Variants in TNIK observed in about 807,000 individuals in gnomAD.
The protein encoded by TNIK is TRAF2 and NCK-interacting protein kinase.
A neutral mutation model predicts 191.3 loss-of-function variants in TNIK; 49 were observed. That is an observed-to-expected ratio of 0.26 (90% CI 0.20 to 0.32). The LOEUF (loss-of-function observed/expected upper bound fraction) is 0.32. TNIK is among the 10% of genes least tolerant of loss of function. TNIK has a pLI of 1.00. For missense variants in TNIK, 1,155 were observed against 1,702.3 expected, an observed-to-expected ratio of 0.68 and a Z score of 5.66; for synonymous variants, 594 against 600.9, an observed-to-expected ratio of 0.99 and a Z score of 0.17.
At chr3:171,257,225 T>C (rs1028039549) in intron 2 of TNIK, among the ~76,000 whole-genome samples, 16 of 152,210 alleles carry the variant, frequency 1.1e-4, no homozygotes, top group East Asian at 1.9e-4. Context: ...GGGCAGGCGG[T>C]ACTCTAGAAC....
intron 21 of TNIK, among the ~76,000 whole-genome samples, chr3:171,102,744 T>C (rs996071761): frequency 1.3e-5 from 2 of 152,144 alleles, no homozygotes; most frequent in Admixed American, 6.5e-5. Flanking sequence ...TATGGCCATA[T>C]TCTCTCTTTA....
chr3:171,087,335 C>A lies in TNIK; in HGVS notation c.2886+7G>T, dbSNP rs754086055. Reference sequence around the variant, plus strand: ...AACTGTCATGTCAGCTGTTGCCCAGCACCTACTTCAGTCCCAGAGTCCATC... The same window carrying A: ...AACTGTCATGTCAGCTGTTGCCCAGAACCTACTTCAGTCCCAGAGTCCATC... On this transcript the variant is annotated splice_region_variant and intron_variant, in intron 24 of 32. Transcript: ENST00000436636. 1 of 1,613,570 alleles carries A rather than the reference C, an allele frequency of 6.2e-7. No individual in the cohort carries two copies.
Position 171,179,270 on chromosome 3 carries a change from C to T in TNIK, c.640-1890G>A, listed in dbSNP as rs74598317. ...GATGTACACAAAGATTTTCATTAAA[C>T]GCAATCTGCACCCCGTGTTTCTCTG... On this transcript the variant is annotated intron_variant, in intron 7 of 32. Transcript: ENST00000436636. Among the ~76,000 whole-genome samples the T allele has an allele frequency of 6.7e-3, 1,023 of 152,300 alleles. 12 individuals carry two copies. Among genetic ancestry groups the T allele is most frequent in the African/African-American group, 0.024 (983 of 41,560 alleles).
intron 2 of TNIK, chr3:171,347,221 G>GAAAAAAAAAAAAAAAAAAA: frequency 7.1e-7 from 1 of 1,417,898 alleles, no homozygotes; most frequent in Admixed American, 2.4e-5. Flanking sequence ...TTCATTTGCT[G>GAAAAAAAAAAAAAAAAAAA]AAAAAAAAAA....
At chr3:171,108,288 G>A in intron 19 of TNIK, 126 bp from the exon 20 acceptor site, 1 of 649,370 alleles carries the variant, frequency 1.5e-6, no homozygotes, top group Admixed American at 3.7e-5. Flanking sequence ...CATTCACCTG[G>A]GCAAATCCTC....
At chr3:171,297,660 A>C (rs1752450538) in intron 2 of TNIK, among the ~76,000 whole-genome samples, 2 of 109,312 alleles carry the variant, frequency 1.8e-5, no homozygotes, top group South Asian at 5.1e-4. Context: ...GAGAAAAATT[A>C]AACAATATAA....
chr3:171,365,554 T>C (rs989492877), intron 2 of TNIK, among the ~76,000 whole-genome samples: 12 of 152,096 alleles, frequency 7.9e-5, no homozygotes, highest in African/African-American at 2.9e-4. Flanking sequence ...TGAAATGGGG[T>C]TGAAATGGTA....
At chr3:171,252,878 G>A (rs1180387156) in intron 2 of TNIK, among the ~76,000 whole-genome samples, 4 of 152,046 alleles carry the variant, frequency 2.6e-5, no homozygotes. Flanking sequence ...CAGGAAAAAT[G>A]GGCACTTCAG....
intron 7 of TNIK, 60 bp from the exon 8 acceptor site, chr3:171,177,440 A>G: frequency 6.4e-7 from 1 of 1,553,140 alleles, no homozygotes; most frequent in Non-Finnish European, 8.7e-7. Flanking sequence ...ACTTGGTTAA[A>G]CCTGGTAATT....
At chr3:171,189,440 C>T (rs182353477) in intron 6 of TNIK, among the ~76,000 whole-genome samples, 86 of 152,280 alleles carry the variant, frequency 5.6e-4, no homozygotes, top group African/African-American at 1.8e-3. Context: ...CATTTGATTA[C>T]ACCAAGGCTT....
At chr3:171,080,438 TA>T (rs201963867) in intron 27 of TNIK, among the ~76,000 whole-genome samples, 16 of 148,208 alleles carry the variant, frequency 1.1e-4, no homozygotes, top group African/African-American at 4.1e-4. Flanking sequence ...TTTATTTATT[TA>T]TTTATTTTTT....
chr3:171,260,597 G>C (rs987744059), intron 2 of TNIK, among the ~76,000 whole-genome samples: 1 of 152,158 alleles, frequency 6.6e-6, no homozygotes, highest in South Asian at 2.1e-4. Context: ...TGAGTTCTGT[G>C]GAGCTAAATT....
chr3:171,384,407 C>T (rs543103512), intron 1 of TNIK, among the ~76,000 whole-genome samples: 7 of 152,368 alleles, frequency 4.6e-5, no homozygotes, highest in Middle Eastern at 3.4e-3. Context: ...TCCAACTCAT[C>T]TGGGAACCTT....
intron 12 of TNIK, among the ~76,000 whole-genome samples, chr3:171,153,993 A>G (rs1732819751): frequency 6.6e-6 from 1 of 152,238 alleles, no homozygotes; most frequent in African/African-American, 2.4e-5. Context: ...AGTGTCTAAC[A>G]TGGTGCCCAC....
intron 2 of TNIK, among the ~76,000 whole-genome samples, chr3:171,354,085 A>G (rs1713644129): frequency 6.6e-6 from 1 of 152,180 alleles, no homozygotes; most frequent in Non-Finnish European, 1.5e-5. Flanking sequence ...TGAACTGATA[A>G]CAATTTAGAA....
intron 25 of TNIK, among the ~76,000 whole-genome samples, chr3:171,084,877 A>C (rs537422631): frequency 5.3e-5 from 8 of 152,318 alleles, no homozygotes; most frequent in African/African-American, 1.9e-4. Context: ...AGCTTTTCCT[A>C]GGGTCCCTAT....
intron 1 of TNIK, among the ~76,000 whole-genome samples, chr3:171,390,342 G>T (rs764280528): frequency 2.6e-5 from 4 of 152,196 alleles, no homozygotes; most frequent in Non-Finnish European, 4.4e-5. Flanking sequence ...GTGTTTGAAT[G>T]CAGCACAAGT....
intron 1 of TNIK, 27 bp downstream of exon 1, chr3:171,459,980 A>C (rs369408409): frequency 6.5e-7 from 1 of 1,546,082 alleles, no homozygotes; most frequent in East Asian, 2.5e-5. Context: ...AAACCACTGG[A>C]AAGAAACCAG....
At chr3:171,381,114 A>G (rs9833547) in intron 1 of TNIK, among the ~76,000 whole-genome samples, 59,263 of 151,896 alleles carry the variant, frequency 0.39, 13,399 homozygotes, top group East Asian at 0.91. Flanking sequence ...GGACATACAA[A>G]TTTATTTGCT....
Sources: allele counts gnomAD v4.1 joint callset (sites outside exome capture counted in the v4.1 genomes callset), GRCh38; gene constraint gnomAD v4.1.1; transcripts MANE v1.5; gene names NCBI Gene and HGNC (gene_info 2026-07-23, HGNC 2026-07-21).